The following CHIC1 variants were observed in gnomAD, a reference collection of about 807,000 sequenced individuals.
CHIC1 encodes cysteine rich hydrophobic domain 1.
In CHIC1, 7 loss-of-function variants were observed where a neutral mutation model predicts 18.5. The observed-to-expected ratio is 0.38, with a 90% CI of 0.22 to 0.71. The LOEUF (loss-of-function observed/expected upper bound fraction) is 0.71. Among genes scored for constraint, CHIC1 ranks in the 30% least tolerant of loss-of-function variants. CHIC1 has a pLI of 0.49. For synonymous variants in CHIC1, 77 were observed against 73.5 expected (o/e 1.05, Z -0.25); for missense variants, 159 against 176.9 (o/e 0.90, Z 0.57).
At chrX:73,650,631 A>G (rs773437754) in intron 3 of CHIC1, among the ~76,000 whole-genome samples, 2 of 108,491 alleles carry the variant, frequency 1.8e-5, no homozygotes, top group African/African-American at 6.7e-5. Context: ...CTAAACCAGG[A>G]AGAAGTCGAA....
intron 3 of CHIC1, among the ~76,000 whole-genome samples, chrX:73,661,849 A>G (rs1318201682): frequency 9.0e-6 from 1 of 110,679 alleles, no homozygotes; most frequent in Non-Finnish European, 1.9e-5. Flanking sequence ...CCACTTTTCC[A>G]TGTTTACCAG....
At chrX:73,636,622 A>G (rs1464622181) in intron 3 of CHIC1, among the ~76,000 whole-genome samples, 3 of 109,170 alleles carry the variant, frequency 2.7e-5, no homozygotes, top group African/African-American at 6.7e-5. Context: ...TTTTCTGTTT[A>G]GTTCTTTTTT....
At position 73,684,331 on chromosome X, in the gene CHIC1, T is replaced by A. The variant is rs2058112397; in HGVS notation, c.*3326T>A. The A allele has an allele frequency of 8.9e-6, 1 of 111,737 alleles. No individual in the cohort carries two copies. Among genetic ancestry groups the A allele is most frequent in the Non-Finnish European group, 1.9e-5 (1 of 52,945 alleles). 9.2% of individuals were successfully genotyped at this position (111,737 alleles called of 1,213,427 possible). A position where few individuals can be genotyped will look rare whatever the true frequency, so the allele number is the denominator to read the frequency against. On this transcript the variant is annotated 3_prime_UTR_variant, in exon 6 of 6. Transcript: ENST00000373502. ...ACATACTATTCATATTATTATGGCC[T>A]GTAAACACTAATATCTGAGCAATCA...
intron 3 of CHIC1, among the ~76,000 whole-genome samples, chrX:73,643,562 C>T (rs1490350510): frequency 9.0e-5 from 10 of 111,621 alleles, no homozygotes; most frequent in African/African-American, 2.9e-4. Context: ...AGGCTTTGTT[C>T]GTTTCTTTTT....
intron 3 of CHIC1, among the ~76,000 whole-genome samples, chrX:73,603,946 A>G (rs2057665854): frequency 9.2e-6 from 1 of 108,824 alleles, no homozygotes; most frequent in African/African-American, 3.6e-5. Context: ...CATCAGGTAT[A>G]TTGGCCTGAA....
At chrX:73,597,980 A>G (rs746020978) in intron 3 of CHIC1, among the ~76,000 whole-genome samples, 1 of 111,735 alleles carries the variant, frequency 8.9e-6, no homozygotes, top group African/African-American at 3.2e-5. Context: ...ATAGTATTCC[A>G]TGGTGTACAT....
At chrX:73,629,258 T>C (rs1053057701) in intron 3 of CHIC1, among the ~76,000 whole-genome samples, 3 of 111,508 alleles carry the variant, frequency 2.7e-5, no homozygotes, top group African/African-American at 9.8e-5. Flanking sequence ...ATTCCATAGA[T>C]TGCCTTTTTA....
intron 3 of CHIC1, among the ~76,000 whole-genome samples, chrX:73,590,940 C>G (rs756672972): frequency 9.0e-6 from 1 of 111,222 alleles, no homozygotes; most frequent in African/African-American, 3.3e-5. Flanking sequence ...TTTGAGTGGA[C>G]AGTTTTGAAC....
chrX:73,599,108 T>G (rs1175017962), intron 3 of CHIC1, among the ~76,000 whole-genome samples: 1 of 109,066 alleles, frequency 9.2e-6, no homozygotes, highest in African/African-American at 3.4e-5. Context: ...TTTCATGTGT[T>G]TTTTGGCTGC....
At chrX:73,650,701 C>CA (rs139432536) in intron 3 of CHIC1, among the ~76,000 whole-genome samples, 3,050 of 64,729 alleles carry the variant, frequency 0.047, 221 homozygotes, top group African/African-American at 0.16. Context: ...GCCTACCAAC[C>CA]AAAAAAAAAA....
intron 3 of CHIC1, among the ~76,000 whole-genome samples, chrX:73,608,798 C>G (rs112824152): frequency 5.3e-4 from 57 of 107,634 alleles, no homozygotes; most frequent in Non-Finnish European, 9.2e-4. Context: ...TTAGGGATTT[C>G]TACCTATAAG....
chrX:73,657,061 A>ATTT (rs36102598), intron 3 of CHIC1, among the ~76,000 whole-genome samples: 5 of 88,621 alleles, frequency 5.6e-5, no homozygotes, highest in Admixed American at 2.7e-4. Flanking sequence ...TCTTTTTTTA[A>ATTT]TTTTTTTTTT....
intron 1 of CHIC1, among the ~76,000 whole-genome samples, chrX:73,564,507 G>A (rs1208570310): frequency 9.0e-6 from 1 of 111,355 alleles, no homozygotes; most frequent in Admixed American, 9.6e-5. Flanking sequence ...ACAGCTACAA[G>A]GCAAAAATGT....
chrX:73,587,824 T>C (rs187088149), intron 3 of CHIC1, among the ~76,000 whole-genome samples: 39 of 111,647 alleles, frequency 3.5e-4, no homozygotes, highest in Non-Finnish European at 5.7e-4. Flanking sequence ...AGTGAGTGCA[T>C]AGAGTATTAT....
intron 3 of CHIC1, among the ~76,000 whole-genome samples, chrX:73,659,351 T>G (rs1467850731): frequency 2.0e-5 from 2 of 101,652 alleles, no homozygotes; most frequent in Non-Finnish European, 3.9e-5. Context: ...CTGAATGATC[T>G]CCTACATCTT....
chrX:73,623,906 A>G (rs1261299877), intron 3 of CHIC1, among the ~76,000 whole-genome samples: 1 of 111,692 alleles, frequency 9.0e-6, no homozygotes, highest in Non-Finnish European at 1.9e-5. Context: ...CACAACACGT[A>G]TAAATACACA....
At chrX:73,617,572 A>T (rs1223193731) in intron 3 of CHIC1, among the ~76,000 whole-genome samples, 1 of 112,071 alleles carries the variant, frequency 8.9e-6, no homozygotes, top group Non-Finnish European at 1.9e-5. Context: ...TCACAGTTCT[A>T]CATGGCTAGG....
rs965313102 is a variant in CHIC1, at chrX:73,586,729, T to G, written c.507+2157T>G. The stretch of plus-strand genomic sequence containing the variant: ...AATCCTTGCTTTATTTTGTTTTTGT[T>G]TTTGTCTTTAATACTGCATCCTCTT... On this transcript the variant is annotated intron_variant, in intron 3 of 5. Coordinates refer to ENST00000373502, the MANE Select transcript of CHIC1 (RefSeq NM_001039840.4). Among the ~76,000 whole-genome samples the G allele has an allele frequency of 3.6e-5, 4 of 111,680 alleles. No individual in the cohort carries two copies. The Admixed American group carries it at 3.8e-4, about 11-fold the overall frequency.
At position 73,563,474 on chromosome X, in the gene CHIC1, G is replaced by A. The variant is rs765880949; in HGVS notation, c.190G>A (p.Glu64Lys). ...EEEEEEEEEEEEEEEAPPPPR... is the reference protein window; with the variant it reads ...EEEEEEEEEEKEEEEAPPPPR... ...GGAGGAGGAAGAAGAGGAGGAGGAGGAAGAGGAGGAGGAAGCGCCGCCCCC... is the reference window on the plus strand; with the variant it reads ...GGAGGAGGAAGAAGAGGAGGAGGAGAAAGAGGAGGAGGAAGCGCCGCCCCC... Residue 64 changes from glutamate to lysine, a missense_variant, in exon 1 of 6, where the codon GAA becomes AAA. By Grantham distance (56) the Glu-to-Lys change is moderately conservative (BLOSUM62 1). Coordinates refer to ENST00000373502, the MANE Select transcript of CHIC1 (RefSeq NM_001039840.4). 2.6e-6 allele frequency: 3 copies of A among 1,158,631 alleles called. No homozygotes were observed. The African/African-American group carries it at 5.4e-5, about 21-fold the overall frequency.
Sources: allele counts gnomAD v4.1 joint callset (sites outside exome capture counted in the v4.1 genomes callset), GRCh38; gene constraint gnomAD v4.1.1; transcripts MANE v1.5; gene names NCBI Gene and HGNC (gene_info 2026-07-23, HGNC 2026-07-21).